The following SKAP1 variants were observed in gnomAD, a reference collection of about 807,000 sequenced individuals.
SKAP1 encodes the protein src kinase associated phosphoprotein 1.
SKAP1 carries 44 observed loss-of-function variants against 58.5 expected under a neutral mutation model. That is an observed-to-expected ratio of 0.75 (90% CI 0.59 to 0.97). The LOEUF (loss-of-function observed/expected upper bound fraction) is 0.97, where lower values mean the gene tolerates loss of function less well. Among genes scored for constraint, SKAP1 ranks in the 50% least tolerant of loss-of-function variants. The pLI is 0.00. For missense variants in SKAP1, 390 were observed against 435.2 expected, an observed-to-expected ratio of 0.90 and a Z score of 0.92; for synonymous variants, 127 against 149.7, an observed-to-expected ratio of 0.85 and a Z score of 1.11.
chr17:48,439,248 T>C, the SKAP1 span, among the ~76,000 whole-genome samples: 3 of 152,242 alleles, frequency 2.0e-5, no homozygotes, highest in Admixed American at 2.0e-4. Context: ...CATGAGACTA[T>C]TGATGCAGAA....
At chr17:48,367,696 T>C (rs1251137282) in intron 2 of SKAP1, among the ~76,000 whole-genome samples, 1 of 151,548 alleles carries the variant, frequency 6.6e-6, no homozygotes, top group African/African-American at 2.4e-5. Context: ...GGCAGGAGGA[T>C]TGCCCAAGCC....
intron 11 of SKAP1, among the ~76,000 whole-genome samples, chr17:48,145,323 G>A (rs947852167): frequency 2.6e-5 from 4 of 151,482 alleles, no homozygotes; most frequent in African/African-American, 9.7e-5. Context: ...GAGTGAACCT[G>A]AAATAGACGC....
At chr17:48,148,572 A>C (rs1277515572) in intron 11 of SKAP1, among the ~76,000 whole-genome samples, 1 of 152,176 alleles carries the variant, frequency 6.6e-6, no homozygotes, top group African/African-American at 2.4e-5. Context: ...ATGTGACGGA[A>C]ATGTTTAATC....
At chr17:48,213,801 C>T (rs1567823554) in intron 4 of SKAP1, among the ~76,000 whole-genome samples, 1 of 152,154 alleles carries the variant, frequency 6.6e-6, no homozygotes. Context: ...CAGAGGAAGA[C>T]TTTTTTCCCT....
intron 9 of SKAP1, among the ~76,000 whole-genome samples, chr17:48,174,981 C>T (rs1371146234): frequency 1.3e-5 from 2 of 152,168 alleles, no homozygotes; most frequent in African/African-American, 2.4e-5. Context: ...TGTAAGAGAA[C>T]CATGGGGCAT....
rs568166544 is a variant in SKAP1, at chr17:48,146,362, G to A, written c.979-9025C>T. ...AAAAAAATTAGCTGGGCATGGTGGC[G>A]CACACCTGTAATCCCGGCTACTCGG... On this transcript the variant is annotated intron_variant, in intron 11 of 12. Transcript: ENST00000336915. Among the ~76,000 whole-genome samples, 98 of 151,848 alleles carry A rather than the reference G, an allele frequency of 6.5e-4. 1 individual carries two copies. In the South Asian group the frequency reaches 6.7e-3, roughly 10 times the overall value.
At chr17:48,140,801 G>T (rs2063757898) in intron 11 of SKAP1, among the ~76,000 whole-genome samples, 1 of 144,496 alleles carries the variant, frequency 6.9e-6, no homozygotes. Context: ...TTTTAAGATG[G>T]AGTCTTGCTC....
chr17:48,156,724 G>A (rs1184249859), intron 11 of SKAP1, among the ~76,000 whole-genome samples: 3 of 152,222 alleles, frequency 2.0e-5, no homozygotes, highest in Admixed American at 2.0e-4. Context: ...AGGTCAGTGG[G>A]AGTCCTCCTG....
intron 1 of SKAP1, among the ~76,000 whole-genome samples, chr17:48,409,308 T>G (rs1460603986): frequency 3.9e-5 from 6 of 152,288 alleles, no homozygotes; most frequent in African/African-American, 1.4e-4. Context: ...AAAATGTCCC[T>G]CAATAGGTGA....
intron 4 of SKAP1, among the ~76,000 whole-genome samples, chr17:48,267,910 G>C (rs975479600): frequency 3.3e-5 from 5 of 152,114 alleles, no homozygotes; most frequent in Non-Finnish European, 7.4e-5. Flanking sequence ...GTTGCTTATA[G>C]GTACCTTTAC....
chr17:48,423,583 C>CT lies in SKAP1; in HGVS notation c.46+6491dup, dbSNP rs375599958. ...GTCGCTAGCACAACTGAGGAACCAA[C>CT]TTTTTTTTTGTATTTAATTTAATTA... On this transcript the variant is annotated intron_variant, in intron 1 of 12. Coordinates refer to ENST00000336915, the MANE Select transcript of SKAP1 (RefSeq NM_003726.4). 1.2e-4 allele frequency among the ~76,000 whole-genome samples: 18 copies of CT among 151,610 alleles called. No homozygotes were observed. The East Asian group carries it at 2.7e-3, about 23-fold the overall frequency.
chr17:48,257,982 A>C (rs2065444696), intron 4 of SKAP1, among the ~76,000 whole-genome samples: 1 of 152,014 alleles, frequency 6.6e-6, no homozygotes, highest in South Asian at 2.1e-4. Context: ...AACATTAGAA[A>C]TCTGCTGAGG....
chr17:48,176,932 G>C (rs2064299188), intron 9 of SKAP1, among the ~76,000 whole-genome samples: 1 of 152,296 alleles, frequency 6.6e-6, no homozygotes, highest in East Asian at 1.9e-4. Flanking sequence ...GTGGGCTTGT[G>C]TGGGCCCCAT....
At chr17:48,218,913 T>A (rs891613112) in intron 4 of SKAP1, among the ~76,000 whole-genome samples, 3 of 151,136 alleles carry the variant, frequency 2.0e-5, no homozygotes, top group Non-Finnish European at 4.4e-5. Context: ...GGGGTGGCCA[T>A]GTGAAATCAG....
At chr17:48,167,157 C>T (rs927935454) in intron 10 of SKAP1, among the ~76,000 whole-genome samples, 3 of 152,290 alleles carry the variant, frequency 2.0e-5, no homozygotes, top group African/African-American at 7.2e-5. Flanking sequence ...TGAGTTACTG[C>T]GCCCAGCCTT....
At chr17:48,236,856 A>C (rs184692742) in intron 4 of SKAP1, among the ~76,000 whole-genome samples, 1 of 152,330 alleles carries the variant, frequency 6.6e-6, no homozygotes, top group East Asian at 1.9e-4. Context: ...AGGAAGTCAA[A>C]ATAGTAATAT....
chr17:48,222,544 A>G (rs1471356692), intron 4 of SKAP1, among the ~76,000 whole-genome samples: 2 of 151,816 alleles, frequency 1.3e-5, no homozygotes, highest in African/African-American at 2.4e-5. Context: ...CAGTGGCACA[A>G]TCTCAGCTCA....
At chr17:48,142,571 A>G (rs1033987963) in intron 11 of SKAP1, among the ~76,000 whole-genome samples, 4 of 152,232 alleles carry the variant, frequency 2.6e-5, no homozygotes, top group Non-Finnish European at 5.9e-5. Context: ...AGATTTAGTT[A>G]CAACTAACTC....
chr17:48,194,686 A>G (rs919305205), intron 4 of SKAP1, among the ~76,000 whole-genome samples: 4 of 152,230 alleles, frequency 2.6e-5, no homozygotes, highest in African/African-American at 7.2e-5. Context: ...AAAGGAAAAT[A>G]AATAGTTTTT....
Sources: gnomAD v4.1 joint callset for allele counts (sites outside exome capture counted in the v4.1 genomes callset) on GRCh38, gnomAD v4.1.1 for gene constraint, MANE v1.5 for transcripts, NCBI Gene and HGNC (gene_info 2026-07-23, HGNC 2026-07-21) for gene names.